KDM4B: variants seen among roughly 807,000 people sequenced by gnomAD.
The protein encoded by KDM4B is lysine demethylase 4B.
KDM4B carries 32 observed loss-of-function variants against 125.2 expected under a neutral mutation model. The ratio of observed to expected loss-of-function variants is 0.26; its 90% CI spans 0.19 to 0.34. The LOEUF is 0.34. KDM4B is among the 10% of genes least tolerant of loss of function. The pLI, the probability that KDM4B is intolerant of heterozygous loss-of-function variation, is 1.00. For missense variants in KDM4B, 1,190 were observed against 1,577.7 expected, an observed-to-expected ratio of 0.75 and a Z score of 4.16; for synonymous variants, 721 against 677.9, an observed-to-expected ratio of 1.06 and a Z score of -0.99.
At chr19:5,138,816 C>T (rs548587909) in intron 18 of KDM4B, among the ~76,000 whole-genome samples, 1 of 152,354 alleles carries the variant, frequency 6.6e-6, no homozygotes, top group East Asian at 1.9e-4. Flanking sequence ...ACGTGCTAAG[C>T]AGCAGCTCCC....
chr19:4,996,497 C>G lies in KDM4B; in HGVS notation c.-108-19760C>G, dbSNP rs1303819478. Among the ~76,000 whole-genome samples the G allele has an allele frequency of 3.3e-5, 5 of 152,042 alleles. No homozygotes were observed. In the East Asian group the frequency reaches 9.7e-4, roughly 29 times the overall value. On this transcript the variant is annotated intron_variant, in intron 1 of 22. Transcript: ENST00000159111. ...TCAAGCGATCTCTTGCCTCAGCCTCCCAAGTTGCTGGGGCCACATGTGTGC... is the reference window on the plus strand; with the variant it reads ...TCAAGCGATCTCTTGCCTCAGCCTCGCAAGTTGCTGGGGCCACATGTGTGC...
In KDM4B at chr19:5,114,710, G is replaced by A. The variant is rs1197016381; in HGVS notation, c.1115+3892G>A. Among the ~76,000 whole-genome samples, 5 of 152,212 alleles carry A rather than the reference G, an allele frequency of 3.3e-5. No individual in the cohort carries two copies. Among genetic ancestry groups the A allele is most frequent in the Admixed American group, 1.3e-4 (2 of 15,284 alleles). On this transcript the variant is annotated intron_variant, in intron 10 of 22. Coordinates refer to ENST00000159111, the MANE Select transcript of KDM4B (RefSeq NM_015015.3). This position sits in a 1 kb window ranked among gnomAD's most constrained non-coding sequence, Gnocchi z 5.8. ...GCTCTGAGGGCTCAGCCTGGGGCCAGCCTCCCAGTCCTCCCCACCTTGTGA... is the reference window on the plus strand; with the variant it reads ...GCTCTGAGGGCTCAGCCTGGGGCCAACCTCCCAGTCCTCCCCACCTTGTGA...
intron 1 of KDM4B, among the ~76,000 whole-genome samples, chr19:4,988,717 G>A (rs561480154): frequency 6.6e-6 from 1 of 152,248 alleles, no homozygotes; most frequent in Non-Finnish European, 1.5e-5. Context: ...TGTGGGAAGG[G>A]GCACAGAGGG....
intron 9 of KDM4B, among the ~76,000 whole-genome samples, chr19:5,087,592 A>G (rs1159696889): frequency 6.6e-6 from 1 of 152,122 alleles, no homozygotes; most frequent in East Asian, 1.9e-4. Flanking sequence ...TGCCAGTGTC[A>G]TTTTTGACTC....
chr19:5,058,239 G>A (rs1001297913), intron 6 of KDM4B, among the ~76,000 whole-genome samples: 1 of 152,244 alleles, frequency 6.6e-6, no homozygotes, highest in African/African-American at 2.4e-5. Context: ...AAGCCCTGAC[G>A]GAGTGCTCAT....
At position 5,064,105 on chromosome 19, in the gene KDM4B, G is replaced by A. The variant is rs150877083; in HGVS notation, c.627-6905G>A. 2.0e-4 allele frequency among the ~76,000 whole-genome samples: 30 copies of A among 152,284 alleles called. No homozygotes were observed. In the East Asian group the frequency reaches 5.8e-3, roughly 29 times the overall value. On this transcript the variant is annotated intron_variant, in intron 6 of 22. Transcript: ENST00000159111. ...CGGGGCCACCATAGGGCTTTGTTGC[G>A]AGGGTGGCGGTCACCATGGCTTTTC...
At chr19:5,102,181 G>A (rs116963215) in intron 9 of KDM4B, among the ~76,000 whole-genome samples, 3,066 of 152,236 alleles carry the variant, frequency 0.02, 40 homozygotes, top group Non-Finnish European at 0.029. Flanking sequence ...TGCTCGCCAC[G>A]TCCCACCCCC....
intron 11 of KDM4B, among the ~76,000 whole-genome samples, chr19:5,126,171 C>G (rs1339791023): frequency 1.3e-5 from 2 of 152,060 alleles, no homozygotes; most frequent in Non-Finnish European, 2.9e-5. Flanking sequence ...CAGGGGGCAT[C>G]AGCATCGGGG....
chr19:5,008,513 A>G (rs1026360346), intron 1 of KDM4B, among the ~76,000 whole-genome samples: 11 of 152,116 alleles, frequency 7.2e-5, no homozygotes, highest in Middle Eastern at 6.8e-3. Context: ...AGATTAGCTG[A>G]TGAGACTACA....
chr19:5,110,492 A>C, intron 9 of KDM4B, 130 bp from the exon 10 acceptor site: 3 of 809,402 alleles, frequency 3.7e-6, no homozygotes, highest in Non-Finnish European at 6.1e-6. Context: ...ATGTTCTAGA[A>C]GCGGAATGCT....
intron 11 of KDM4B, among the ~76,000 whole-genome samples, chr19:5,122,806 A>G (rs2620850): frequency 0.39 from 58,796 of 152,108 alleles, 11,501 homozygotes; most frequent in East Asian, 0.64. Flanking sequence ...GAAGCGCTGC[A>G]GACACGCTGC....
intron 1 of KDM4B, among the ~76,000 whole-genome samples, chr19:5,002,000 C>CT (rs59462526): frequency 0.35 from 51,622 of 146,440 alleles, 9,326 homozygotes; most frequent in East Asian, 0.68. Flanking sequence ...TTTTTTTTTT[C>CT]TTTTTTTTTC....
chr19:5,036,361 G>T (rs1026266613), intron 3 of KDM4B, among the ~76,000 whole-genome samples: 8 of 152,266 alleles, frequency 5.3e-5, no homozygotes, highest in African/African-American at 1.9e-4. Context: ...CCCTGAGAGG[G>T]CCCTGGAGCT....
intron 11 of KDM4B, 34 bp downstream of exon 11, chr19:5,119,886 G>A (rs1420307419): frequency 6.5e-7 from 1 of 1,541,460 alleles, no homozygotes; most frequent in Non-Finnish European, 8.7e-7. Flanking sequence ...TGGCACCGCT[G>A]TTTTCCCACC....
At chr19:5,007,490 T>C (rs1353900371) in intron 1 of KDM4B, among the ~76,000 whole-genome samples, 1 of 152,192 alleles carries the variant, frequency 6.6e-6, no homozygotes, top group East Asian at 1.9e-4. Flanking sequence ...GATAATGTTT[T>C]GCAAATATAT....
chr19:5,107,987 C>T (rs911482310), intron 9 of KDM4B, among the ~76,000 whole-genome samples: 11 of 152,204 alleles, frequency 7.2e-5, no homozygotes, highest in African/African-American at 1.9e-4. Flanking sequence ...CCAGTCCAGC[C>T]GTGGGCAGCC....
At chr19:5,151,201 G>T in intron 22 of KDM4B, 134 bp from the exon 23 acceptor site, 1 of 745,428 alleles carries the variant, frequency 1.3e-6, no homozygotes. Flanking sequence ...CACGAAAACA[G>T]GAGCCTGCTG....
chr19:5,027,512 C>G (rs934665488), intron 2 of KDM4B, among the ~76,000 whole-genome samples: 11 of 151,000 alleles, frequency 7.3e-5, no homozygotes, highest in Admixed American at 6.6e-5. Context: ...TTCCATCATT[C>G]TTCCTCCCTC....
intron 3 of KDM4B, among the ~76,000 whole-genome samples, chr19:5,034,425 A>G (rs1407139777): frequency 6.6e-6 from 1 of 152,240 alleles, no homozygotes; most frequent in African/African-American, 2.4e-5. Flanking sequence ...CGTGTGAATG[A>G]AAGTGCACGG....
Sources: allele counts gnomAD v4.1 joint callset (sites outside exome capture counted in the v4.1 genomes callset), GRCh38; gene constraint gnomAD v4.1.1; non-coding constraint Gnocchi (gnomAD v3.1); transcripts MANE v1.5; gene names NCBI Gene and HGNC (gene_info 2026-07-23, HGNC 2026-07-21).